Variants in CTNND2 observed in about 807,000 individuals in gnomAD.
CTNND2 encodes the protein catenin delta 2, also known as catenin delta-2.
A neutral mutation model predicts 144.4 loss-of-function variants in CTNND2; 22 were observed. The ratio of observed to expected loss-of-function variants is 0.15; its 90% confidence interval spans 0.11 to 0.22. The LOEUF (loss-of-function observed/expected upper bound fraction) is 0.22, where lower values mean the gene tolerates loss of function less well. Ranked by LOEUF, CTNND2 falls within the 10% of genes least tolerant of loss-of-function variation. The pLI is 1.00. For synonymous variants in CTNND2, 751 were observed against 695.6 expected (o/e 1.08, Z -1.25); for missense variants, 1,353 against 1,618.8 (o/e 0.84, Z 2.82).
chr5:11,396,994 T>C, intron 6 of CTNND2, 37 bp downstream of exon 6: 6 of 1,571,910 alleles, frequency 3.8e-6, no homozygotes, highest in Non-Finnish European at 5.2e-6. Context: ...CCTGTCCCCT[T>C]GGAGTCCACT....
At chr5:11,767,608 A>T (rs4702825) in intron 1 of CTNND2, among the ~76,000 whole-genome samples, 149,000 of 152,290 alleles carry the variant, frequency 0.98, 72,966 homozygotes, top group East Asian at 1. Context: ...ATAATGCTCA[A>T]TAGCCCCTCC....
At chr5:11,662,261 ATGTGTGTGTG>A (rs532140229) in intron 2 of CTNND2, among the ~76,000 whole-genome samples, 18 of 126,852 alleles carry the variant, frequency 1.4e-4, no homozygotes, top group Middle Eastern at 3.8e-3. Flanking sequence ...GTGTGTATAT[ATGTGTGTGTG>A]TGTATATATA....
intron 6 of CTNND2, among the ~76,000 whole-genome samples, chr5:11,389,815 A>G (rs528572937): frequency 6.6e-6 from 1 of 151,076 alleles, no homozygotes; most frequent in East Asian, 2.0e-4. Context: ...GTCACAGTAG[A>G]AAATTCTACA....
chr5:11,589,340 C>G (rs1392244066), intron 2 of CTNND2, among the ~76,000 whole-genome samples: 2 of 149,858 alleles, frequency 1.3e-5, no homozygotes, highest in African/African-American at 4.9e-5. Flanking sequence ...AAAAACACAT[C>G]ATGAAATGAT....
chr5:11,545,137 GA>G (rs1282540729), intron 3 of CTNND2, among the ~76,000 whole-genome samples: 4,840 of 108,350 alleles, frequency 0.045, 279 homozygotes, highest in African/African-American at 0.14. Flanking sequence ...AAAAAAAAAG[GA>G]AAAAAAAAAA....
At chr5:11,664,711 T>C (rs906681685) in intron 2 of CTNND2, among the ~76,000 whole-genome samples, 2 of 152,202 alleles carry the variant, frequency 1.3e-5, no homozygotes, top group South Asian at 4.1e-4. Context: ...GAGATCCTTT[T>C]CATCTAAATT....
At chr5:11,001,277 A>G (rs914193032) in intron 18 of CTNND2, among the ~76,000 whole-genome samples, 1 of 152,190 alleles carries the variant, frequency 6.6e-6, no homozygotes, top group East Asian at 1.9e-4. Context: ...ATGTTCATTC[A>G]ATTACTATTG....
chr5:11,594,276 C>G (rs1779400358), intron 2 of CTNND2, among the ~76,000 whole-genome samples: 1 of 152,154 alleles, frequency 6.6e-6, no homozygotes, highest in Non-Finnish European at 1.5e-5. Flanking sequence ...TAACAGTGAG[C>G]AAGCTGCATT....
chr5:11,760,719 T>A (rs1380509423), intron 1 of CTNND2, among the ~76,000 whole-genome samples: 1 of 152,152 alleles, frequency 6.6e-6, no homozygotes, highest in African/African-American at 2.4e-5. Flanking sequence ...CATATTTAAA[T>A]AACTGACCTA....
intron 3 of CTNND2, among the ~76,000 whole-genome samples, chr5:11,553,250 G>C (rs566458603): frequency 2.6e-5 from 4 of 152,252 alleles, no homozygotes; most frequent in African/African-American, 7.2e-5. Flanking sequence ...TGCGTGAAAG[G>C]GAAATTGATT....
At chr5:11,128,751 T>TATATATATA (rs777170447) in intron 12 of CTNND2, among the ~76,000 whole-genome samples, 3 of 41,486 alleles carry the variant, frequency 7.2e-5, no homozygotes, top group South Asian at 8.6e-4. Flanking sequence ...TTATATATAT[T>TATATATATA]ATATATAAAT....
intron 10 of CTNND2, among the ~76,000 whole-genome samples, chr5:11,223,437 C>T (rs533701437): frequency 4.6e-5 from 7 of 152,184 alleles, no homozygotes; most frequent in Non-Finnish European, 1.0e-4. Flanking sequence ...CTCCTACAAA[C>T]TTTAAGGGCT....
At chr5:11,397,522 T>C (rs1206915176) in intron 5 of CTNND2, among the ~76,000 whole-genome samples, 1 of 152,186 alleles carries the variant, frequency 6.6e-6, no homozygotes, top group Non-Finnish European at 1.5e-5. Context: ...GATCAGACAA[T>C]ATCAGAAACA....
At chr5:11,532,651 TG>T (rs1041113379) in intron 3 of CTNND2, among the ~76,000 whole-genome samples, 3 of 152,078 alleles carry the variant, frequency 2.0e-5, no homozygotes, top group Admixed American at 2.0e-4. Context: ...GTAAGAAAAC[TG>T]TGGAAAAAAT....
intron 2 of CTNND2, among the ~76,000 whole-genome samples, chr5:11,592,161 T>C (rs1351557408): frequency 6.2e-4 from 84 of 134,798 alleles, no homozygotes; most frequent in African/African-American, 2.1e-3. Context: ...CCTTCCTGCC[T>C]GCCTGCCTTC....
intron 3 of CTNND2, among the ~76,000 whole-genome samples, chr5:11,452,104 C>T (rs1047172971): frequency 1.3e-5 from 2 of 152,204 alleles, no homozygotes; most frequent in Non-Finnish European, 2.9e-5. Flanking sequence ...AATAATGTCA[C>T]ATGTCTGCAC....
intron 18 of CTNND2, among the ~76,000 whole-genome samples, chr5:11,017,585 TATATATATATATCTTTCC>T (rs1278529373): frequency 2.0e-5 from 1 of 49,792 alleles, no homozygotes; most frequent in Admixed American, 2.8e-4. Context: ...TATCTTTCCA[TATATATATATATCTTTCC>T]ATATATATAT....
chr5:11,597,815 C>G (rs900546830), intron 2 of CTNND2, among the ~76,000 whole-genome samples: 2 of 152,072 alleles, frequency 1.3e-5, no homozygotes, highest in Non-Finnish European at 2.9e-5. Context: ...TCAAGTGATT[C>G]GTCTGCTCCG....
intron 3 of CTNND2, among the ~76,000 whole-genome samples, chr5:11,523,539 G>C (rs1772946561): frequency 6.6e-6 from 1 of 152,152 alleles, no homozygotes; most frequent in Admixed American, 6.5e-5. Flanking sequence ...GATGTGCACA[G>C]GTTTAGTGGT....
Sources: allele counts gnomAD v4.1 joint callset (sites outside exome capture counted in the v4.1 genomes callset), GRCh38; gene constraint gnomAD v4.1.1; transcripts MANE v1.5; gene names NCBI Gene and HGNC (gene_info 2026-07-23, HGNC 2026-07-21).